CTNND2: variants seen among roughly 807,000 people sequenced by gnomAD.
The protein encoded by CTNND2 is catenin delta 2, also known as catenin delta-2.
Under a neutral mutation model 144.4 loss-of-function variants are expected in CTNND2, and 22 were observed. That is an observed-to-expected ratio of 0.15 (90% CI 0.11 to 0.22). The LOEUF is 0.22. Among genes scored for constraint, CTNND2 ranks in the 10% least tolerant of loss-of-function variants. The pLI, the probability that CTNND2 is intolerant of heterozygous loss-of-function variation, is 1.00. For missense variants in CTNND2, 1,353 were observed against 1,618.8 expected (o/e 0.84, Z 2.82); for synonymous variants, 751 against 695.6 (o/e 1.08, Z -1.25).
At chr5:11,203,677 A>G (rs1302513277) in intron 10 of CTNND2, among the ~76,000 whole-genome samples, 1 of 152,224 alleles carries the variant, frequency 6.6e-6, no homozygotes, top group African/African-American at 2.4e-5. Context: ...GCCAGGCCTC[A>G]TGCAGAATTC....
intron 1 of CTNND2, among the ~76,000 whole-genome samples, chr5:11,822,872 G>A (rs181655441): frequency 6.6e-6 from 1 of 152,270 alleles, no homozygotes; most frequent in East Asian, 1.9e-4. Context: ...TTCAGGCCTT[G>A]TGAGAGATTG....
intron 9 of CTNND2, among the ~76,000 whole-genome samples, chr5:11,310,916 C>T (rs73055791): frequency 0.061 from 9,024 of 148,352 alleles, 936 homozygotes; most frequent in African/African-American, 0.21. Flanking sequence ...ACACACTCCC[C>T]ATACACCCTC....
At chr5:11,519,008 AACACACACAC>A (rs142163506) in intron 3 of CTNND2, among the ~76,000 whole-genome samples, 2 of 147,574 alleles carry the variant, frequency 1.4e-5, no homozygotes, top group East Asian at 2.0e-4. Context: ...TCCCTATCTC[AACACACACAC>A]ACACACACAC....
chr5:11,797,227 A>T (rs1791451449), intron 1 of CTNND2, among the ~76,000 whole-genome samples: 1 of 152,222 alleles, frequency 6.6e-6, no homozygotes, highest in East Asian at 1.9e-4. Context: ...ATGAGTGATC[A>T]CCGATCATTT....
At chr5:11,796,742 C>T (rs1180648123) in intron 1 of CTNND2, among the ~76,000 whole-genome samples, 1 of 152,142 alleles carries the variant, frequency 6.6e-6, no homozygotes, top group Non-Finnish European at 1.5e-5. Flanking sequence ...TTAAGTATTA[C>T]AAAAATCTAT....
intron 1 of CTNND2, among the ~76,000 whole-genome samples, chr5:11,845,716 C>T (rs1224716634): frequency 6.6e-6 from 1 of 152,286 alleles, no homozygotes; most frequent in South Asian, 2.1e-4. Context: ...GGCTAGCACA[C>T]TAATACAATC....
chr5:11,674,068 T>C (rs564516006), intron 2 of CTNND2, among the ~76,000 whole-genome samples: 3 of 152,182 alleles, frequency 2.0e-5, no homozygotes, highest in African/African-American at 4.8e-5. Flanking sequence ...TTACAATAAG[T>C]AAATGTAGTG....
chr5:11,015,325 A>C (rs1035896795), intron 18 of CTNND2, among the ~76,000 whole-genome samples: 6 of 152,244 alleles, frequency 3.9e-5, no homozygotes, highest in African/African-American at 7.2e-5. Context: ...GACACTGGGC[A>C]CAAAGATCTT....
At chr5:11,057,038 T>C (rs1746415618) in intron 16 of CTNND2, among the ~76,000 whole-genome samples, 1 of 152,224 alleles carries the variant, frequency 6.6e-6, no homozygotes, top group Admixed American at 6.5e-5. Flanking sequence ...TCCATCTATC[T>C]ACCACTATCA....
At chr5:11,833,979 T>C (rs534770632) in intron 1 of CTNND2, among the ~76,000 whole-genome samples, 1 of 152,242 alleles carries the variant, frequency 6.6e-6, no homozygotes, top group South Asian at 2.1e-4. Context: ...AATTAAAAAA[T>C]GTTAATCATA....
rs940095057 is a variant in CTNND2 at position 11,293,239 on chromosome 5, C to T, written c.1628+53133G>A. Among the ~76,000 whole-genome samples the T allele has an allele frequency of 1.1e-4, 16 of 152,266 alleles. 1 individual carries two copies. Among genetic ancestry groups the T allele is most frequent in the Admixed American group, 5.9e-4 (9 of 15,296 alleles). ...AGTTCATACACACTAAACTCCAGGC[C>T]TCTCCTGATACATTTCCAAGCAGGG... is the stretch of plus-strand genomic sequence containing the variant. On this transcript the variant is annotated intron_variant, in intron 9 of 21. Coordinates refer to ENST00000304623, the MANE Select transcript of CTNND2 (RefSeq NM_001332.4).
chr5:11,459,758 T>G (rs1441750771), intron 3 of CTNND2, among the ~76,000 whole-genome samples: 1 of 152,040 alleles, frequency 6.6e-6, no homozygotes, highest in Non-Finnish European at 1.5e-5. Context: ...ATGGAAGGAG[T>G]TGTGGGTACA....
intron 2 of CTNND2, among the ~76,000 whole-genome samples, chr5:11,587,887 A>G (rs959291792): frequency 2.0e-5 from 3 of 152,028 alleles, no homozygotes; most frequent in Non-Finnish European, 2.9e-5. Context: ...CAAAAAATCA[A>G]TTTGTTTCTT....
chr5:11,222,058 T>C (rs1204051880), intron 10 of CTNND2, among the ~76,000 whole-genome samples: 1 of 152,308 alleles, frequency 6.6e-6, no homozygotes, highest in East Asian at 1.9e-4. Context: ...CCTCAGTGAG[T>C]GCCGGCTCCT....
At chr5:11,531,555 G>A (rs1773745316) in intron 3 of CTNND2, among the ~76,000 whole-genome samples, 2 of 152,120 alleles carry the variant, frequency 1.3e-5, no homozygotes, top group Non-Finnish European at 1.5e-5. Context: ...GAACCCGGGA[G>A]GCAGAGATTA....
At chr5:11,543,795 T>C (rs562907051) in intron 3 of CTNND2, among the ~76,000 whole-genome samples, 31 of 152,324 alleles carry the variant, frequency 2.0e-4, no homozygotes, top group Admixed American at 1.9e-3. Context: ...ACATTACTAA[T>C]GATGCTCTAC....
At chr5:11,257,999 A>G (rs1744451149) in intron 9 of CTNND2, among the ~76,000 whole-genome samples, 1 of 152,188 alleles carries the variant, frequency 6.6e-6, no homozygotes, top group African/African-American at 2.4e-5. Flanking sequence ...CTTTCAGTTC[A>G]TTGTACTCCT....
chr5:10,998,574 T>G (rs1461817269), intron 18 of CTNND2, among the ~76,000 whole-genome samples: 3 of 152,184 alleles, frequency 2.0e-5, no homozygotes, highest in Non-Finnish European at 4.4e-5. Context: ...ACTTCAACAC[T>G]GCTATGCTCA....
chr5:11,253,267 T>C (rs1743857635), intron 9 of CTNND2, among the ~76,000 whole-genome samples: 1 of 152,204 alleles, frequency 6.6e-6, no homozygotes, highest in Admixed American at 6.6e-5. Context: ...CCTGCCTTTC[T>C]CTGGCTTTTG....
Sources: gnomAD v4.1 joint callset for allele counts (sites outside exome capture counted in the v4.1 genomes callset) on GRCh38, gnomAD v4.1.1 for gene constraint, MANE v1.5 for transcripts, NCBI Gene and HGNC (gene_info 2026-07-23, HGNC 2026-07-21) for gene names.